Variants in LRRC7 observed in about 807,000 individuals in gnomAD.
LRRC7 encodes the protein leucine-rich repeat-containing protein 7.
LRRC7 carries 23 observed loss-of-function variants against 175.7 expected under a neutral mutation model. The ratio of observed to expected loss-of-function variants is 0.13; its 90% CI spans 0.09 to 0.19. LRRC7 has a LOEUF of 0.19. Ranked by LOEUF, LRRC7 falls within the 10% of genes least tolerant of loss-of-function variation. The pLI, the probability that LRRC7 is intolerant of heterozygous loss-of-function variation, is 1.00. For synonymous variants in LRRC7, 685 were observed against 680.9 expected, an observed-to-expected ratio of 1.01 and a Z score of -0.09; for missense variants, 1,354 against 1,904.7, an observed-to-expected ratio of 0.71 and a Z score of 5.38.
chr1:69,745,232 AATATT>A (rs1669129041), intron 2 of LRRC7, among the ~76,000 whole-genome samples: 1 of 152,006 alleles, frequency 6.6e-6, no homozygotes, highest in South Asian at 2.1e-4. Context: ...TCAACAAACT[AATATT>A]ATAAGCATAA....
At chr1:69,755,271 G>T (rs1000869135) in intron 2 of LRRC7, among the ~76,000 whole-genome samples, 2 of 151,422 alleles carry the variant, frequency 1.3e-5, no homozygotes, top group Admixed American at 1.3e-4. Flanking sequence ...ACATTGAAAT[G>T]AATCTCTCAC....
rs36159703 is a variant in LRRC7 at position 69,764,726 on chromosome 1, T to TAGACAGACAGACAGAC, written c.303+4340_303+4341insCAGACAGACAGACAGA. On this transcript the variant is annotated intron_variant, in intron 3 of 26. Transcript: ENST00000651989. ...GTGGATAGATAGGTAGGTAGATAGA[T>TAGACAGACAGACAGAC]AGACAGATAGATAGATAGATAGATA... Among the ~76,000 whole-genome samples, 1,220 of 142,542 alleles carry TAGACAGACAGACAGAC rather than the reference T, an allele frequency of 8.6e-3. 15 individuals are homozygous for TAGACAGACAGACAGAC. Among genetic ancestry groups the TAGACAGACAGACAGAC allele is most frequent in the African/African-American group, 0.03 (1,141 of 38,428 alleles). The allele number at this position is 142,542 out of a possible 152,430, so 93.5% of individuals were successfully genotyped here.
chr1:70,007,126 G>A (rs1656063485), intron 11 of LRRC7, among the ~76,000 whole-genome samples: 1 of 152,122 alleles, frequency 6.6e-6, no homozygotes, highest in Non-Finnish European at 1.5e-5. Context: ...AGAGGTCAGG[G>A]GGTGAGACCG....
At chr1:69,749,846 G>A (rs577627107) in intron 2 of LRRC7, among the ~76,000 whole-genome samples, 4 of 151,816 alleles carry the variant, frequency 2.6e-5, no homozygotes, top group African/African-American at 7.2e-5. Context: ...GGCGGATCAC[G>A]AGGTCAGGAG....
rs189638972 is a variant in LRRC7 at position 69,838,139 on chromosome 1, C to T, written c.591-88C>T. 15 of 801,934 alleles carry T rather than the reference C, an allele frequency of 1.9e-5. No individual in the cohort carries two copies. The Admixed American group carries it at 2.5e-4, about 13-fold the overall frequency. 49.7% of individuals were successfully genotyped at this position (801,934 alleles called of 1,614,324 possible). On this transcript the variant is annotated intron_variant, in intron 6 of 26. Coordinates refer to ENST00000651989, the MANE Select transcript of LRRC7 (RefSeq NM_001370785.2). ...TATACATTATTGTTAACCATAGTAA[C>T]CCTATAGTGCTACCAAATACTAGAT...
rs1161984259 is a variant in LRRC7 at position 70,129,988 on chromosome 1, C to T, written c.*8101C>T. The T allele has an allele frequency of 6.6e-6, 1 of 152,184 alleles. No homozygotes were observed. Among genetic ancestry groups the T allele is most frequent in the Non-Finnish European group, 1.5e-5 (1 of 68,032 alleles). 9.4% of individuals were successfully genotyped at this position (152,184 alleles called of 1,614,324 possible). A position where few individuals can be genotyped will look rare whatever the true frequency, so the allele number is the denominator to read the frequency against. On this transcript the variant is annotated 3_prime_UTR_variant, in exon 27 of 27. Coordinates refer to ENST00000651989, the MANE Select transcript of LRRC7 (RefSeq NM_001370785.2). Reference sequence around the variant, plus strand: ...TGGAATGCCTTCCTCTCCCTATTCCCTTTCTAAATTATTAAAATCATATGC... The same window carrying T: ...TGGAATGCCTTCCTCTCCCTATTCCTTTTCTAAATTATTAAAATCATATGC...
At chr1:69,738,397 G>A (rs898890946) in intron 2 of LRRC7, among the ~76,000 whole-genome samples, 1 of 151,822 alleles carries the variant, frequency 6.6e-6, no homozygotes, top group Non-Finnish European at 1.5e-5. Flanking sequence ...TATTTCACGG[G>A]ACCTTTGAAA....
At chr1:69,901,994 A>G (rs926098463) in intron 7 of LRRC7, among the ~76,000 whole-genome samples, 1 of 152,178 alleles carries the variant, frequency 6.6e-6, no homozygotes, top group African/African-American at 2.4e-5. Flanking sequence ...TAATAATTTA[A>G]TATCTAAATT....
intron 1 of LRRC7, among the ~76,000 whole-genome samples, chr1:69,632,778 C>G (rs573901047): frequency 6.6e-6 from 1 of 152,030 alleles, no homozygotes; most frequent in Non-Finnish European, 1.5e-5. Context: ...AGAATAATGA[C>G]TATATATGGG....
At chr1:69,909,916 C>A (rs1646467053) in intron 7 of LRRC7, among the ~76,000 whole-genome samples, 1 of 152,180 alleles carries the variant, frequency 6.6e-6, no homozygotes. Flanking sequence ...ACCAATCAGA[C>A]ATAGATTTGG....
chr1:70,118,092 C>CAT lies in LRRC7; in HGVS notation c.4621-3688_4621-3687insAT, dbSNP rs779509103. ...ACACACACACACACACACACACACA[C>CAT]GCACACGAACAAAAATGCAAAACTC... is the stretch of plus-strand genomic sequence containing the variant. On this transcript the variant is annotated intron_variant, in intron 26 of 26. Transcript: ENST00000651989. 2.6e-3 allele frequency among the ~76,000 whole-genome samples: 394 copies of CAT among 150,742 alleles called. 15 individuals carry two copies. The highest frequency in any genetic ancestry group is 8.2e-3 in the African/African-American group (336 of 40,906).
At chr1:70,034,336 C>A (rs1043578001) in intron 18 of LRRC7, among the ~76,000 whole-genome samples, 4 of 151,382 alleles carry the variant, frequency 2.6e-5, no homozygotes, top group Non-Finnish European at 4.4e-5. Flanking sequence ...CAAAATCAAT[C>A]AAAATAAAGA....
rs1350301567 is a variant in LRRC7, at chr1:70,131,872, A to G, written c.*9985A>G. ...AAATATTAATTGAGAGAGTGACATT[A>G]TCTTAGGATAGTAAGAATATTTTAG... On this transcript the variant is annotated 3_prime_UTR_variant, in exon 27 of 27. Transcript: ENST00000651989. 2.0e-5 allele frequency among the ~76,000 whole-genome samples: 3 copies of G among 152,248 alleles called. No homozygotes were observed. The highest frequency in any genetic ancestry group is 4.4e-5 in the Non-Finnish European group (3 of 68,038).
At chr1:69,824,914 C>T (rs989048781) in intron 4 of LRRC7, among the ~76,000 whole-genome samples, 1 of 152,206 alleles carries the variant, frequency 6.6e-6, no homozygotes, top group African/African-American at 2.4e-5. Flanking sequence ...TCCCTTCTAA[C>T]TTTTGCAGGG....
intron 1 of LRRC7, among the ~76,000 whole-genome samples, chr1:69,658,904 A>G (rs1657034704): frequency 6.6e-6 from 1 of 152,086 alleles, no homozygotes; most frequent in Admixed American, 6.6e-5. Flanking sequence ...CCAACAAGGT[A>G]TGATGACACA....
chr1:69,573,834 T>TA (rs1645834665), intron 1 of LRRC7, among the ~76,000 whole-genome samples: 1 of 152,144 alleles, frequency 6.6e-6, no homozygotes, highest in Admixed American at 6.5e-5. Flanking sequence ...AAAGAAATAG[T>TA]AGTTGTCAGG....
At chr1:69,753,560 T>C (rs2100907332) in intron 2 of LRRC7, among the ~76,000 whole-genome samples, 1 of 152,164 alleles carries the variant, frequency 6.6e-6, no homozygotes, top group African/African-American at 2.4e-5. Flanking sequence ...ATGATCTATT[T>C]CTCATGAAAA....
At chr1:69,962,434 G>A (rs1651188957) in intron 8 of LRRC7, among the ~76,000 whole-genome samples, 1 of 152,136 alleles carries the variant, frequency 6.6e-6, no homozygotes. Flanking sequence ...ATTCCTCAAA[G>A]ACCTAAAGAA....
intron 22 of LRRC7, 79 bp from the exon 23 acceptor site, chr1:70,052,947 A>G: frequency 7.2e-7 from 1 of 1,383,526 alleles, no homozygotes; most frequent in East Asian, 2.5e-5. Context: ...TTTTACCATG[A>G]TCATTAGGGA....
Sources: allele counts gnomAD v4.1 joint callset (sites outside exome capture counted in the v4.1 genomes callset), GRCh38; gene constraint gnomAD v4.1.1; transcripts MANE v1.5; gene names NCBI Gene and HGNC (gene_info 2026-07-23, HGNC 2026-07-21).